ATP2C2: variants seen among roughly 807,000 people sequenced by gnomAD.
ATP2C2 encodes calcium-transporting ATPase type 2C member 2.
A neutral mutation model predicts 110.8 loss-of-function variants in ATP2C2; 171 were observed. The ratio of observed to expected loss-of-function variants is 1.54; its 90% CI spans 1.36 to 1.75. The LOEUF (loss-of-function observed/expected upper bound fraction) is 1.75. ATP2C2 is among the 40% of genes most tolerant of loss of function. ATP2C2 has a pLI of 0.00. For missense variants in ATP2C2, 1,963 were observed against 1,235.0 expected, an observed-to-expected ratio of 1.59 and a Z score of -8.84; for synonymous variants, 804 against 508.4, an observed-to-expected ratio of 1.58 and a Z score of -7.82.
chr16:84,452,844 A>T (rs1447400118), intron 18 of ATP2C2, among the ~76,000 whole-genome samples: 1 of 152,050 alleles, frequency 6.6e-6, no homozygotes, highest in Non-Finnish European at 1.5e-5. Context: ...GTGCTGGGAA[A>T]AGGTTCACGG....
chr16:84,398,196 G>GT (rs1355513162), intron 1 of ATP2C2, among the ~76,000 whole-genome samples: 4 of 150,166 alleles, frequency 2.7e-5, no homozygotes, highest in Non-Finnish European at 1.5e-5. Flanking sequence ...GAGGTCAGGA[G>GT]TTTGAGACCA....
In ATP2C2 at chr16:84,444,147, A is replaced by G. The variant is rs1597849242; in HGVS notation, c.1401+1548A>G. Among the ~76,000 whole-genome samples the G allele has an allele frequency of 2.0e-4, 27 of 133,136 alleles. No homozygotes were observed. The South Asian group carries it at 5.5e-3, about 27-fold the overall frequency. The allele number at this position is 133,136 out of a possible 152,430, so 87.3% of individuals were successfully genotyped here. On this transcript the variant is annotated intron_variant, in intron 15 of 26. Coordinates refer to ENST00000262429, the MANE Select transcript of ATP2C2 (RefSeq NM_014861.4). Reference sequence around the variant, plus strand: ...ACACCACTGCACTCCAGTCTAGATGAGAGAGATCCTGCCTCAAAAAAAAAA... The same window carrying G: ...ACACCACTGCACTCCAGTCTAGATGGGAGAGATCCTGCCTCAAAAAAAAAA...
In ATP2C2 at chr16:84,403,693, C is replaced by A. The variant is rs949270269; in HGVS notation, c.211-1435C>A. Among the ~76,000 whole-genome samples the A allele has an allele frequency of 3.4e-5, 5 of 147,982 alleles. No homozygotes were observed. The Admixed American group carries it at 3.4e-4, about 10-fold the overall frequency. ...ATCGCCATTCTCTATCTCCAGAATT[C>A]TTTTTTTTTTTCTTGAGATGGAGTT... On this transcript the variant is annotated intron_variant, in intron 2 of 26. Transcript: ENST00000262429.
intron 1 of ATP2C2, among the ~76,000 whole-genome samples, chr16:84,393,177 G>A (rs1046027800): frequency 1.3e-5 from 2 of 152,174 alleles, no homozygotes; most frequent in African/African-American, 4.8e-5. Flanking sequence ...GAAACAGAGT[G>A]GACAATCCTG....
Position 84,368,646 on chromosome 16 carries a change from A to G in ATP2C2, c.31A>G (p.Lys11Glu). Residue 11 changes from lysine (K) to glutamate (E), a missense_variant, in exon 1 of 27, where the codon AAG becomes GAG. Physicochemically the swap from Lys to Glu is moderately conservative, Grantham distance 56 (BLOSUM62 1). Coordinates refer to ENST00000262429, the MANE Select transcript of ATP2C2 (RefSeq NM_014861.4). Reference protein sequence around the residue: MVEGRVSEFLKKLGFSGGGRQ... With the variant: MVEGRVSEFLEKLGFSGGGRQ... ...CGAGGGACGCGTCTCCGAGTTCCTG[A>G]AGAAACTCGGCTTCTCGGGCGGGGG... is the stretch of plus-strand genomic sequence containing the variant. 2 of 1,566,272 alleles carry G rather than the reference A, an allele frequency of 1.3e-6. No homozygotes were observed. The highest frequency in any genetic ancestry group is 2.3e-5 in the South Asian group (2 of 87,006).
In ATP2C2 at chr16:84,389,047, G is replaced by A. The variant is rs563874950; in HGVS notation, c.100-9452G>A. ...GCTGGGATTACAGGCATGAGCCACC[G>A]CGCCCGGCCTATATTGTGAAATTCT... On this transcript the variant is annotated intron_variant, in intron 1 of 26. Coordinates refer to ENST00000262429, the MANE Select transcript of ATP2C2 (RefSeq NM_014861.4). Among the ~76,000 whole-genome samples, 6 of 152,178 alleles carry A rather than the reference G, an allele frequency of 3.9e-5. No homozygotes were observed. In the East Asian group the frequency reaches 5.8e-4, roughly 15 times the overall value.
intron 1 of ATP2C2, among the ~76,000 whole-genome samples, chr16:84,386,466 C>T (rs112296275): frequency 6.0e-4 from 92 of 152,308 alleles, no homozygotes; most frequent in Admixed American, 9.8e-4. Context: ...AACCCATCTC[C>T]TCACCTTGCC....
In ATP2C2 at chr16:84,417,694, C is replaced by T. The variant is rs969429345; in HGVS notation, c.624+2103C>T. On this transcript the variant is annotated intron_variant, in intron 7 of 26. Coordinates refer to ENST00000262429, the MANE Select transcript of ATP2C2 (RefSeq NM_014861.4). ...ATTGCTTGAGCCCAGGAGTTCAAGA[C>T]CAGCCTGGGCAACATAGTGACACTC... Among the ~76,000 whole-genome samples the T allele has an allele frequency of 2.6e-5, 4 of 152,282 alleles. No individual in the cohort carries two copies. The East Asian group carries it at 7.7e-4, about 29-fold the overall frequency.
intron 1 of ATP2C2, among the ~76,000 whole-genome samples, chr16:84,386,400 A>G (rs113749106): frequency 2.0e-5 from 3 of 152,344 alleles, no homozygotes; most frequent in African/African-American, 7.2e-5. Flanking sequence ...AACAGTAAGA[A>G]CACTGGCTAC....
At position 84,460,569 on chromosome 16, in the gene ATP2C2, C is replaced by T. The variant is rs770007900; in HGVS notation, c.2334-85C>T. On this transcript the variant is annotated intron_variant, in intron 23 of 26. Transcript: ENST00000262429. ...GCCCTGCCCCCTGTGCCAACTTGGCCTGGGAGGCTCAGGCACAGCTGTTTC... is the reference window on the plus strand; with the variant it reads ...GCCCTGCCCCCTGTGCCAACTTGGCTTGGGAGGCTCAGGCACAGCTGTTTC... The T allele has an allele frequency of 1.2e-5, 19 of 1,598,244 alleles. No homozygotes were observed. The South Asian group carries it at 2.1e-4, about 18-fold the overall frequency.
intron 6 of ATP2C2, among the ~76,000 whole-genome samples, chr16:84,412,552 GTGTGTGTGTGTGTGTGTA>G (rs1906465978): frequency 2.5e-5 from 1 of 40,462 alleles, no homozygotes; most frequent in Non-Finnish European, 7.7e-5. Flanking sequence ...GTATGCGTGT[GTGTGTGTGTGTGTGTGTA>G]TGTGTGTGTG....
chr16:84,434,132 C>T (rs1041165981), intron 11 of ATP2C2, among the ~76,000 whole-genome samples: 4 of 151,888 alleles, frequency 2.6e-5, no homozygotes, highest in African/African-American at 9.7e-5. Context: ...AAAACGAATT[C>T]CTGGGTCGGG....
In ATP2C2 at chr16:84,453,146, A is replaced by G. The variant is rs1176994839; in HGVS notation, c.1840A>G (p.Ile614Val). The G allele has an allele frequency of 1.9e-6, 3 of 1,611,702 alleles. No individual in the cohort carries two copies. The highest frequency in any genetic ancestry group is 2.5e-6 in the Non-Finnish European group (3 of 1,178,784). ...AACAGGTTCTTCTGAAGGAAGAAAC[A>G]TCGGCCTGTGCAACGGGAAGCTGCA... ...LETALAIGRN[I>V]GLCNGKLQAM... The change falls in exon 19 of 27, where the codon ATC becomes GTC. Residue 614 changes from isoleucine (I) to valine (V), a missense_variant. Transcript: ENST00000262429.
rs745905548 is a variant in ATP2C2, at chr16:84,422,715, G to A, written c.843+18G>A. ...CTGAAGAGGTAAGGGGCAGGAGGGG[G>A]CTTCGGGACTTTTGTAAGCTGGAGT... On this transcript the variant is annotated intron_variant, in intron 9 of 26. Transcript: ENST00000262429. 7 of 1,593,028 alleles carry A rather than the reference G, an allele frequency of 4.4e-6. No individual in the cohort carries two copies. Among genetic ancestry groups the A allele is most frequent in the Non-Finnish European group, 6.0e-6 (7 of 1,172,378 alleles).
At chr16:84,454,700 T>G in intron 20 of ATP2C2, 118 bp from the exon 21 acceptor site, 1 of 1,082,122 alleles carries the variant, frequency 9.2e-7, no homozygotes, top group Non-Finnish European at 1.3e-6. Context: ...GAAGCTGGGA[T>G]TCGAATTCCG....
At chr16:84,450,704 C>T (rs1910178759) in intron 17 of ATP2C2, among the ~76,000 whole-genome samples, 1 of 152,152 alleles carries the variant, frequency 6.6e-6, no homozygotes, top group Non-Finnish European at 1.5e-5. Context: ...ACCACCCCCT[C>T]TCAGATCACC....
intron 1 of ATP2C2, among the ~76,000 whole-genome samples, chr16:84,376,263 C>T (rs747591560): frequency 2.6e-5 from 4 of 152,016 alleles, no homozygotes; most frequent in Non-Finnish European, 4.4e-5. Context: ...GCAGGTGAGG[C>T]GATGAGGTTG....
intron 1 of ATP2C2, among the ~76,000 whole-genome samples, chr16:84,388,679 T>C (rs1167245045): frequency 6.6e-6 from 1 of 152,266 alleles, no homozygotes; most frequent in Middle Eastern, 3.2e-3. Flanking sequence ...TTTGTTCTTG[T>C]GTCATTCTGA....
At chr16:84,389,428 G>C (rs8048576) in intron 1 of ATP2C2, among the ~76,000 whole-genome samples, 8 of 152,152 alleles carry the variant, frequency 5.3e-5, no homozygotes, top group Non-Finnish European at 1.2e-4. Flanking sequence ...CTCTGGTGTC[G>C]TCAGATTTAC....
Sources: allele counts gnomAD v4.1 joint callset (sites outside exome capture counted in the v4.1 genomes callset), GRCh38; gene constraint gnomAD v4.1.1; transcripts MANE v1.5; gene names NCBI Gene and HGNC (gene_info 2026-07-23, HGNC 2026-07-21).